Variants in SPTAN1 observed in about 807,000 individuals in gnomAD.
SPTAN1 encodes spectrin alpha, non-erythrocytic 1, also known as spectrin alpha chain, non-erythrocytic 1.
Under a neutral mutation model 331.3 loss-of-function variants are expected in SPTAN1, and 61 were observed. The observed-to-expected ratio is 0.18, with a 90% CI of 0.15 to 0.23. The LOEUF is 0.23. Among genes scored for constraint, SPTAN1 ranks in the 10% least tolerant of loss-of-function variants. SPTAN1 has a pLI of 1.00. For missense variants in SPTAN1, 2,043 were observed against 3,147.9 expected, an observed-to-expected ratio of 0.65 and a Z score of 8.40; for synonymous variants, 1,153 against 1,173.9, an observed-to-expected ratio of 0.98 and a Z score of 0.36.
intron 5 of SPTAN1, among the ~76,000 whole-genome samples, chr9:128,575,828 C>T (rs1851242519): frequency 6.6e-6 from 1 of 152,160 alleles, no homozygotes; most frequent in Non-Finnish European, 1.5e-5. Flanking sequence ...GAATGACAAC[C>T]CTTCCCCAGT....
chr9:128,609,422 T>G, intron 36 of SPTAN1, 138 bp downstream of exon 36: 2 of 1,360,898 alleles, frequency 1.5e-6, no homozygotes, highest in Non-Finnish European at 2.0e-6. Context: ...GCCCAGCCAG[T>G]GGGAAAGCCC....
At chr9:128,562,098 A>C (rs1319177236) in intron 1 of SPTAN1, among the ~76,000 whole-genome samples, 1 of 152,070 alleles carries the variant, frequency 6.6e-6, no homozygotes, top group Non-Finnish European at 1.5e-5. Context: ...TTTGCTTTGG[A>C]CTCAGAGATC....
intron 3 of SPTAN1, among the ~76,000 whole-genome samples, chr9:128,570,357 GA>G (rs1850560563): frequency 1.0e-5 from 1 of 97,206 alleles, no homozygotes. Context: ...TTTTTTTTGA[GA>G]CGAAGTTTTG....
Position 128,627,720 on chromosome 9 carries a change from G to A in SPTAN1, c.6690-205G>A. 1 of 799,216 alleles carries A rather than the reference G, an allele frequency of 1.3e-6. No individual in the cohort carries two copies. The highest frequency in any genetic ancestry group is 2.4e-5 in the East Asian group (1 of 41,206). The allele number at this position is 799,216 out of a possible 1,614,324, so 49.5% of individuals were successfully genotyped here. ...ATGTCCCAGACATCAAGTTGTTAGA[G>A]ATCCCGGATTGAGTGGGACCATGCA... On this transcript the variant is annotated intron_variant, in intron 50 of 56. Coordinates refer to ENST00000372739, the MANE Select transcript of SPTAN1 (RefSeq NM_001130438.3). This position sits in a 1 kb window ranked among gnomAD's most constrained non-coding sequence, Gnocchi z 4.9.
intron 27 of SPTAN1, among the ~76,000 whole-genome samples, chr9:128,600,974 C>CTTTCGTTTT (rs1855054411): frequency 2.4e-5 from 1 of 40,850 alleles, no homozygotes; most frequent in Non-Finnish European, 4.2e-5. Context: ...GGGAGAAAGT[C>CTTTCGTTTT]TTTTTTTTTT....
Position 128,588,811 on chromosome 9 carries a change from A to G in SPTAN1, c.2874A>G (p.Gln958=). Residue 958 remains glutamine, a splice_region_variant and synonymous_variant, in exon 21 of 57, where the codon CAA becomes CAG. Transcript: ENST00000372739. Reference sequence around the variant, plus strand: ...TTGCCCTTCCTTTGGATTTTTAGCAACAAGTGGCCCCCACGGATGATGAGA... The same window carrying G: ...TTGCCCTTCCTTTGGATTTTTAGCAGCAAGTGGCCCCCACGGATGATGAGA... ...ALREQAQSCR[Q]QVAPTDDETG... is the part of the protein sequence containing the mutation. 1 of 1,614,046 alleles carries G rather than the reference A, an allele frequency of 6.2e-7. No individual in the cohort carries two copies. The highest frequency in any genetic ancestry group is 8.5e-7 in the Non-Finnish European group (1 of 1,180,026).
At chr9:128,632,361 C>T (rs370433340) in intron 53 of SPTAN1, 38 bp downstream of exon 53, 3 of 1,613,412 alleles carry the variant, frequency 1.9e-6, no homozygotes, top group East Asian at 2.2e-5. Flanking sequence ...CAGCCCAGAG[C>T]AGGGGGAGGA....
intron 5 of SPTAN1, among the ~76,000 whole-genome samples, chr9:128,576,513 A>C (rs781297255): frequency 6.6e-6 from 1 of 152,250 alleles, no homozygotes; most frequent in African/African-American, 2.4e-5. Flanking sequence ...AGATGAGTAC[A>C]TTGATAAAGT....
chr9:128,558,835 G>A (rs765673050), intron 1 of SPTAN1, among the ~76,000 whole-genome samples: 23 of 152,252 alleles, frequency 1.5e-4, no homozygotes, highest in Non-Finnish European at 2.2e-4. Context: ...TCGGGTGAGA[G>A]GCTGTAGCAC....
Position 128,609,103 on chromosome 9 carries a change from C to G in SPTAN1, c.4596-19C>G, listed in dbSNP as rs1317299803. 34 of 1,614,096 alleles carry G rather than the reference C, an allele frequency of 2.1e-5. No individual in the cohort carries two copies. Among genetic ancestry groups the G allele is most frequent in the Non-Finnish European group, 2.7e-5 (32 of 1,180,058 alleles). On this transcript the variant is annotated intron_variant, in intron 35 of 56. Coordinates refer to ENST00000372739, the MANE Select transcript of SPTAN1 (RefSeq NM_001130438.3). ...GGTAAGATATGCTCATGTTGGATCT[C>G]ATGGTTTCACTCTTTCAGGTGGCGA...
rs368131682 is a variant in SPTAN1, at chr9:128,621,120, A to G, written c.5734-38A>G. ...CGGGGCCTAGCCCACAACACATAGCAGGCTCTCAATAGTGTGCCTTGGCTG... is the reference window on the plus strand; with the variant it reads ...CGGGGCCTAGCCCACAACACATAGCGGGCTCTCAATAGTGTGCCTTGGCTG... On this transcript the variant is annotated intron_variant, in intron 44 of 56. Coordinates refer to ENST00000372739, the MANE Select transcript of SPTAN1 (RefSeq NM_001130438.3). 4 of 1,586,350 alleles carry G rather than the reference A, an allele frequency of 2.5e-6. No homozygotes were observed. The African/African-American group carries it at 5.4e-5, about 21-fold the overall frequency.
In SPTAN1 at chr9:128,626,364, C is replaced by T. The variant is rs3737308; in HGVS notation, c.6280-27C>T. ...TCGGCACGTCCAGCCCTGGCGACTC[C>T]GCCAACTCAGTCTCTTCTGCTTCCA... On this transcript the variant is annotated intron_variant, in intron 48 of 56. Coordinates refer to ENST00000372739, the MANE Select transcript of SPTAN1 (RefSeq NM_001130438.3). The T allele has an allele frequency of 0.85, 1,362,567 of 1,611,742 alleles. 590,112 individuals are homozygous for T. Among genetic ancestry groups the T allele is most frequent in the Non-Finnish European group, 0.9 (1,060,374 of 1,179,850 alleles).
At chr9:128,623,249 T>TC (rs1336493050) in intron 45 of SPTAN1, among the ~76,000 whole-genome samples, 5 of 151,398 alleles carry the variant, frequency 3.3e-5, no homozygotes, top group Non-Finnish European at 7.4e-5. Context: ...CTTTTTTTTT[T>TC]TTAAGAGATG....
intron 5 of SPTAN1, among the ~76,000 whole-genome samples, chr9:128,575,845 G>A (rs915414065): frequency 2.6e-5 from 4 of 152,122 alleles, no homozygotes; most frequent in African/African-American, 4.8e-5. Context: ...CAGTGCCCAC[G>A]TGTACAATCC....
At chr9:128,565,318 A>G (rs1178080977) in intron 1 of SPTAN1, among the ~76,000 whole-genome samples, 1 of 152,230 alleles carries the variant, frequency 6.6e-6, no homozygotes, top group Non-Finnish European at 1.5e-5. Context: ...AACAAAAAAA[A>G]GCCATAAAAG....
chr9:128,593,121 G>C (rs563831727), intron 23 of SPTAN1, 79 bp downstream of exon 23: 2 of 1,462,244 alleles, frequency 1.4e-6, no homozygotes, highest in East Asian at 2.4e-5. Context: ...TTCTCTTGAA[G>C]GCCTTTGTCC....
intron 5 of SPTAN1, among the ~76,000 whole-genome samples, chr9:128,576,091 C>G (rs1851275346): frequency 6.6e-6 from 1 of 152,176 alleles, no homozygotes; most frequent in Non-Finnish European, 1.5e-5. Context: ...TTTTCCAAAC[C>G]CTAAGCTTTC....
Position 128,599,998 on chromosome 9 carries a change from C to G in SPTAN1, c.3544-82C>G. 4.2e-6 allele frequency: 6 copies of G among 1,432,858 alleles called. No individual in the cohort carries two copies. In the South Asian group the frequency reaches 6.9e-5, roughly 16 times the overall value. 88.8% of individuals were successfully genotyped at this position (1,432,858 alleles called of 1,614,324 possible). The stretch of plus-strand genomic sequence containing the variant: ...TATCTGGGATCTCCCCTGGGGGAAA[C>G]TAGAGTCATTCGCTGGAAAGGCCAG... On this transcript the variant is annotated intron_variant, in intron 26 of 56. Coordinates refer to ENST00000372739, the MANE Select transcript of SPTAN1 (RefSeq NM_001130438.3).
chr9:128,621,075 G>A (rs1857788279), intron 44 of SPTAN1, 83 bp from the exon 45 acceptor site: 1 of 1,184,144 alleles, frequency 8.4e-7, no homozygotes, highest in Admixed American at 1.7e-5. Flanking sequence ...GACCATAGCA[G>A]TTTTGTCACT....
Sources: allele counts gnomAD v4.1 joint callset (sites outside exome capture counted in the v4.1 genomes callset), GRCh38; gene constraint gnomAD v4.1.1; non-coding constraint Gnocchi (gnomAD v3.1); transcripts MANE v1.5; gene names NCBI Gene and HGNC (gene_info 2026-07-23, HGNC 2026-07-21).